The following UGT2A1 variants were observed in gnomAD, a reference collection of about 807,000 sequenced individuals.
UGT2A1 encodes UDP glucuronosyltransferase family 2 member A1 complex locus.
Under a neutral mutation model 45.4 loss-of-function variants are expected in UGT2A1, and 61 were observed. The observed-to-expected ratio is 1.34, with a 90% confidence interval of 1.09 to 1.66. The LOEUF (loss-of-function observed/expected upper bound fraction) is 1.66, where lower values mean the gene tolerates loss of function less well. Ranked by LOEUF, UGT2A1 falls within the 40% of genes most tolerant of loss-of-function variation. The pLI is 0.00. For synonymous variants in UGT2A1, 229 were observed against 196.2 expected (o/e 1.17, Z -1.40); for missense variants, 649 against 574.3 (o/e 1.13, Z -1.33).
In UGT2A1 at chr4:69,647,113, T is replaced by C. The variant is rs1368351020; in HGVS notation, c.532A>G (p.Thr178Ala). 3.7e-6 allele frequency: 6 copies of C among 1,612,932 alleles called. No individual in the cohort carries two copies. Among genetic ancestry groups the C allele is most frequent in the Non-Finnish European group, 5.1e-6 (6 of 1,179,332 alleles). The change falls in exon 2 of 7, where the codon ACA (threonine) becomes GCA (alanine). Residue 178 changes from threonine to alanine, a missense_variant. Thr to Ala is a moderately conservative substitution (Grantham distance 58, BLOSUM62 0). Coordinates refer to ENST00000286604, the MANE Select transcript of UGT2A1 (RefSeq NM_001252275.3). ...ACCTTCCCACAGTGCTTTTCCACTG[T>C]TGAGGCTGGAGAAAACCTCAAGGAG... is the stretch of plus-strand genomic sequence containing the variant. ...MYSLRFSPASTVEKHCGKVPY... is the reference protein window; with the variant it reads ...MYSLRFSPASAVEKHCGKVPY...
chr4:69,624,275 T>C (rs1286209496), intron 3 of UGT2A1, among the ~76,000 whole-genome samples: 1 of 151,570 alleles, frequency 6.6e-6, no homozygotes, highest in African/African-American at 2.4e-5. Flanking sequence ...CTAATTTATC[T>C]AATATTAATG....
intron 3 of UGT2A1, among the ~76,000 whole-genome samples, chr4:69,606,500 T>C (rs78556581): frequency 0.18 from 24,306 of 135,404 alleles, 5,738 homozygotes; most frequent in Non-Finnish European, 0.22. Context: ...GTATTCCCTT[T>C]GAAAACTGGC....
chr4:69,603,394 T>C (rs1425383635), intron 3 of UGT2A1: 1 of 136,380 alleles, frequency 7.3e-6, no homozygotes, highest in Non-Finnish European at 1.6e-5. Flanking sequence ...ATGGGACAGC[T>C]CCTTACCCAA....
chr4:69,632,984 G>T (rs767412909), intron 3 of UGT2A1, among the ~76,000 whole-genome samples: 4 of 152,006 alleles, frequency 2.6e-5, no homozygotes, highest in Non-Finnish European at 5.9e-5. Flanking sequence ...CAAACCGGAC[G>T]TGGGTGACAA....
In UGT2A1 at chr4:69,634,559, G is replaced by GT. The variant is rs577822308; in HGVS notation, c.847+1131dup. Among the ~76,000 whole-genome samples, 6 of 151,950 alleles carry GT rather than the reference G, an allele frequency of 3.9e-5. No homozygotes were observed. The South Asian group carries it at 1.2e-3, about 32-fold the overall frequency. On this transcript the variant is annotated intron_variant, in intron 3 of 6. Transcript: ENST00000286604. ...GATAGAGGGGGAAGGTTAAGAGGCT[G>GT]TTTTTTTCTTAAGTTAATTGGGGTT...
At chr4:69,601,410 A>G (rs1719287696) in intron 3 of UGT2A1, among the ~76,000 whole-genome samples, 1 of 152,122 alleles carries the variant, frequency 6.6e-6, no homozygotes, top group South Asian at 2.1e-4. Flanking sequence ...ACTCCTGGGT[A>G]ACATAAGGCA....
intron 3 of UGT2A1, among the ~76,000 whole-genome samples, chr4:69,614,123 A>G (rs1471593846): frequency 9.0e-6 from 1 of 111,174 alleles, no homozygotes; most frequent in East Asian, 2.5e-4. Context: ...AAACCCATTC[A>G]GTAGTTCCAG....
Position 69,635,828 on chromosome 4 carries a change from C to CAAAAAAAAAAAAACAA in UGT2A1, c.716-7_716-6insTTGTTTTTTTTTTTTT, listed in dbSNP as rs1721659414. On this transcript the variant is annotated splice_region_variant and splice_polypyrimidine_tract_variant and intron_variant, in intron 2 of 6. Coordinates refer to ENST00000286604, the MANE Select transcript of UGT2A1 (RefSeq NM_001252275.3). ...GCAACAGAGTAAGAGTCCACCTCAC[C>CAAAAAAAAAAAAACAA]AAAAAAAAAAAAAAAAAAAAAAGAG... 2.0e-5 allele frequency: 1 copy of CAAAAAAAAAAAAACAA among 49,134 alleles called. No homozygotes were observed. Among genetic ancestry groups the CAAAAAAAAAAAAACAA allele is most frequent in the Non-Finnish European group, 3.9e-5 (1 of 25,476 alleles). The allele number at this position is 49,134 out of a possible 1,614,324, so 3.0% of individuals were successfully genotyped here.
At chr4:69,608,335 C>T (rs1248966225) in intron 3 of UGT2A1, among the ~76,000 whole-genome samples, 2 of 148,046 alleles carry the variant, frequency 1.4e-5, no homozygotes, top group Admixed American at 7.0e-5. Context: ...AAAACAAACA[C>T]TGCATGTTCT....
At position 69,635,730 on chromosome 4, in the gene UGT2A1, G is replaced by A; in HGVS notation, c.808C>T (p.Leu270Phe). The change falls in exon 3 of 7, where the codon CTC becomes TTC. Residue 270 changes from leucine (L) to phenylalanine (F), a missense_variant. By Grantham distance (22) the Leu-to-Phe change is conservative (BLOSUM62 0). Transcript: ENST00000286604. ...LLPGFKRFSR[L>F]SLHCSWDYRL... ...TAATCCCAACTACAATGGAGGCTGA[G>A]GCGGGAGAATCGCTTGAACCCGGGA... is the stretch of plus-strand genomic sequence containing the variant. The A allele has an allele frequency of 3.8e-6, 1 of 262,260 alleles. No homozygotes were observed. The highest frequency in any genetic ancestry group is 7.8e-6 in the Non-Finnish European group (1 of 128,634). 16.2% of individuals were successfully genotyped at this position (262,260 alleles called of 1,614,324 possible). A position where few individuals can be genotyped will look rare whatever the true frequency, so the allele number is the denominator to read the frequency against.
At chr4:69,599,596 G>T in intron 3 of UGT2A1, 1 of 728,398 alleles carries the variant, frequency 1.4e-6, no homozygotes, top group Non-Finnish European at 1.9e-6. Context: ...AGAAAAGAAG[G>T]AAGGAAGGGA....
rs13119853 is a variant in UGT2A1 at position 69,623,261 on chromosome 4, A to C, written c.847+12430T>G. Reference sequence around the variant, plus strand: ...GTGATACCACTACCCCATTTCTACCAGTAATGTAGTCTCTACAGCTATCTA... The same window carrying C: ...GTGATACCACTACCCCATTTCTACCCGTAATGTAGTCTCTACAGCTATCTA... On this transcript the variant is annotated intron_variant, in intron 3 of 6. Coordinates refer to ENST00000286604, the MANE Select transcript of UGT2A1 (RefSeq NM_001252275.3). Among the ~76,000 whole-genome samples, 793 of 151,942 alleles carry C rather than the reference A, an allele frequency of 5.2e-3. 4 individuals are homozygous for C. The highest frequency in any genetic ancestry group is 6.6e-3 in the Non-Finnish European group (447 of 67,874).
At chr4:69,599,579 G>A (rs1719138525) in intron 3 of UGT2A1, 185 bp from the exon 4 acceptor site, 2 of 846,710 alleles carry the variant, frequency 2.4e-6, no homozygotes, top group South Asian at 3.6e-5. Context: ...AAAGGAAGGA[G>A]GAAGGAAGAA....
In UGT2A1 at chr4:69,632,675, G is replaced by T. The variant is rs544456641; in HGVS notation, c.847+3016C>A. On this transcript the variant is annotated intron_variant, in intron 3 of 6. Coordinates refer to ENST00000286604, the MANE Select transcript of UGT2A1 (RefSeq NM_001252275.3). ...GAGGCAGAGGCGGGCAGATCACAAA[G>T]TCAAGAGTTTGAGACCTGCCTGGCC... Among the ~76,000 whole-genome samples, 204 of 152,054 alleles carry T rather than the reference G, an allele frequency of 1.3e-3. 1 individual carries two copies. Among genetic ancestry groups the T allele is most frequent in the African/African-American group, 4.7e-3 (196 of 41,474 alleles).
chr4:69,630,491 G>C (rs1457047708), intron 3 of UGT2A1, among the ~76,000 whole-genome samples: 2 of 152,050 alleles, frequency 1.3e-5, no homozygotes, highest in Admixed American at 6.6e-5. Context: ...ACCTTCATTT[G>C]AATTTTGCAG....
At chr4:69,592,127 A>G (rs995288465) in intron 6 of UGT2A1, among the ~76,000 whole-genome samples, 4 of 152,162 alleles carry the variant, frequency 2.6e-5, no homozygotes, top group African/African-American at 9.7e-5. Context: ...GGCAAAGGTC[A>G]CTGAATAGAT....
At chr4:69,598,505 A>C (rs1719066451) in intron 4 of UGT2A1, among the ~76,000 whole-genome samples, 1 of 152,110 alleles carries the variant, frequency 6.6e-6, no homozygotes, top group Admixed American at 6.6e-5. Context: ...CTGACACTAT[A>C]TTTATAAAGA....
At chr4:69,630,646 A>G (rs1015465641) in intron 3 of UGT2A1, among the ~76,000 whole-genome samples, 16 of 152,180 alleles carry the variant, frequency 1.1e-4, no homozygotes, top group Non-Finnish European at 2.4e-4. Flanking sequence ...TTAAAATGAG[A>G]CATGTACTTT....
chr4:69,628,390 T>C (rs776164839), intron 3 of UGT2A1, among the ~76,000 whole-genome samples: 1 of 151,812 alleles, frequency 6.6e-6, no homozygotes, highest in African/African-American at 2.4e-5. Flanking sequence ...CCAAACAGTA[T>C]TAAAGCACAC....
Sources: allele counts gnomAD v4.1 joint callset (sites outside exome capture counted in the v4.1 genomes callset), GRCh38; gene constraint gnomAD v4.1.1; transcripts MANE v1.5; gene names NCBI Gene and HGNC (gene_info 2026-07-23, HGNC 2026-07-21).